Variants in FYN observed in about 807,000 individuals in gnomAD.
FYN encodes FYN proto-oncogene, Src family tyrosine kinase.
In FYN, 10 loss-of-function variants were observed where a neutral mutation model predicts 70.2. The ratio of observed to expected loss-of-function variants is 0.14; its 90% CI spans 0.09 to 0.24. The LOEUF is 0.24. FYN is among the 10% of genes least tolerant of loss of function. The pLI is 1.00. For synonymous variants in FYN, 236 were observed against 248.6 expected, an observed-to-expected ratio of 0.95 and a Z score of 0.48; for missense variants, 319 against 673.1, an observed-to-expected ratio of 0.47 and a Z score of 5.82.
At chr6:111,787,192 G>C (rs1452913397) in intron 2 of FYN, among the ~76,000 whole-genome samples, 1 of 152,116 alleles carries the variant, frequency 6.6e-6, no homozygotes, top group Non-Finnish European at 1.5e-5. Flanking sequence ...GGTTTTTATG[G>C]TTTTAGATCT....
intron 2 of FYN, among the ~76,000 whole-genome samples, chr6:111,801,526 T>C (rs1771984308): frequency 6.6e-6 from 1 of 152,224 alleles, no homozygotes; most frequent in Non-Finnish European, 1.5e-5. Flanking sequence ...GGTTGGATAA[T>C]GCTGGAATAC....
intron 3 of FYN, among the ~76,000 whole-genome samples, chr6:111,738,357 C>T (rs1056280141): frequency 6.6e-6 from 1 of 152,166 alleles, no homozygotes; most frequent in Non-Finnish European, 1.5e-5. Flanking sequence ...GGTGATGTTA[C>T]CTCCTCCCCT....
At chr6:111,679,967 G>A (rs545218265) in intron 12 of FYN, among the ~76,000 whole-genome samples, 3 of 152,232 alleles carry the variant, frequency 2.0e-5, no homozygotes, top group African/African-American at 4.8e-5. Context: ...GAAACAAAGT[G>A]GAAAATCCTT....
At chr6:111,790,836 C>A (rs1204677781) in intron 2 of FYN, among the ~76,000 whole-genome samples, 1 of 152,026 alleles carries the variant, frequency 6.6e-6, no homozygotes, top group South Asian at 2.1e-4. Flanking sequence ...ATACCTAATA[C>A]CTAGGAATAA....
At chr6:111,813,250 T>G (rs149392680) in intron 2 of FYN, among the ~76,000 whole-genome samples, 2 of 152,286 alleles carry the variant, frequency 1.3e-5, no homozygotes, top group East Asian at 3.9e-4. Context: ...TTCAAAGAAC[T>G]TCCCCATCCA....
chr6:111,723,915 C>T (rs1212337395), intron 3 of FYN, among the ~76,000 whole-genome samples: 1 of 152,058 alleles, frequency 6.6e-6, no homozygotes, highest in Non-Finnish European at 1.5e-5. Flanking sequence ...AGGAAAATAC[C>T]ACATGCCATG....
At chr6:111,778,075 C>G (rs1286184556) in intron 3 of FYN, among the ~76,000 whole-genome samples, 1 of 152,246 alleles carries the variant, frequency 6.6e-6, no homozygotes, top group Non-Finnish European at 1.5e-5. Context: ...AATGCACCCT[C>G]TGTGCTCCTC....
chr6:111,812,026 T>A (rs1772340382), intron 2 of FYN, among the ~76,000 whole-genome samples: 2 of 152,106 alleles, frequency 1.3e-5, no homozygotes. Flanking sequence ...CAGTTTAAAG[T>A]GTAGACAGTG....
intron 12 of FYN, among the ~76,000 whole-genome samples, chr6:111,692,752 A>G (rs1174915660): frequency 6.6e-6 from 1 of 152,176 alleles, no homozygotes; most frequent in Non-Finnish European, 1.5e-5. Flanking sequence ...TCTCCTTCTG[A>G]GTCTGAGGAG....
rs915209270 is a variant in FYN at position 111,696,311 on chromosome 6, C to T, written c.1008G>A (p.Glu336=). Residue 336 remains glutamate (E), a synonymous_variant, in exon 10 of 14, where the codon GAG becomes GAA. Transcript: ENST00000354650. ...TATACTCGGTGACGATGTAGATGGG[C>T]TCCTCAGACACCACTGCATAGAGCT... The part of the protein sequence containing the change: ...LVQLYAVVSE[E]PIYIVTEYMN... The T allele has an allele frequency of 1.2e-6, 2 of 1,611,690 alleles. No homozygotes were observed. Among genetic ancestry groups the T allele is most frequent in the South Asian group, 2.2e-5 (2 of 90,352 alleles).
At position 111,687,904 on chromosome 6, in the gene FYN, A is replaced by G. The variant is rs1488653217; in HGVS notation, c.1273+6471T>C. Among the ~76,000 whole-genome samples the G allele has an allele frequency of 2.6e-5, 4 of 152,202 alleles. No homozygotes were observed. The East Asian group carries it at 7.7e-4, about 29-fold the overall frequency. The stretch of plus-strand genomic sequence containing the variant: ...CTCACAGTGAATTGGCAGCAATGCT[A>G]GGATTTATACCAAGACACTTTGATC... On this transcript the variant is annotated intron_variant, in intron 12 of 13. Coordinates refer to ENST00000354650, the MANE Select transcript of FYN (RefSeq NM_002037.5).
At chr6:111,747,725 A>G (rs1045181883) in intron 3 of FYN, among the ~76,000 whole-genome samples, 1 of 152,244 alleles carries the variant, frequency 6.6e-6, no homozygotes, top group Non-Finnish European at 1.5e-5. Context: ...AATTCCAAGA[A>G]TAATGCAGAT....
intron 2 of FYN, among the ~76,000 whole-genome samples, chr6:111,802,552 C>T (rs1245039171): frequency 6.6e-6 from 1 of 152,124 alleles, no homozygotes; most frequent in Non-Finnish European, 1.5e-5. Flanking sequence ...CCTGCTTCAG[C>T]CTCCCGATAG....
At chr6:111,727,973 C>T (rs897110185) in intron 3 of FYN, among the ~76,000 whole-genome samples, 19 of 152,010 alleles carry the variant, frequency 1.2e-4, no homozygotes, top group South Asian at 2.1e-4. Flanking sequence ...GACTCAAAAG[C>T]GCTCAATAAA....
chr6:111,691,290 C>G (rs753918431), intron 12 of FYN, among the ~76,000 whole-genome samples: 2 of 152,192 alleles, frequency 1.3e-5, no homozygotes, highest in Non-Finnish European at 2.9e-5. Flanking sequence ...GCCACCTCAT[C>G]TGCCCAAGGG....
intron 2 of FYN, among the ~76,000 whole-genome samples, chr6:111,809,906 G>A (rs967383792): frequency 2.0e-5 from 3 of 152,142 alleles, no homozygotes; most frequent in African/African-American, 4.8e-5. Flanking sequence ...AATGACTAAA[G>A]TGTGGAAACA....
At chr6:111,806,472 C>T (rs1430910587) in intron 2 of FYN, among the ~76,000 whole-genome samples, 3 of 152,198 alleles carry the variant, frequency 2.0e-5, no homozygotes, top group Admixed American at 2.0e-4. Flanking sequence ...CACCTTCATG[C>T]CCACAACCCA....
In FYN at chr6:111,708,130, T is replaced by C. The variant is rs146522111; in HGVS notation, c.345-110A>G. 90 of 773,186 alleles carry C rather than the reference T, an allele frequency of 1.2e-4. No individual in the cohort carries two copies. In the African/African-American group the frequency reaches 1.3e-3, roughly 11 times the overall value. The allele number at this position is 773,186 out of a possible 1,614,324, so 47.9% of individuals were successfully genotyped here. A position where few individuals can be genotyped will look rare whatever the true frequency, so the allele number is the denominator to read the frequency against. ...GTCACCTAATCATCCTGCCACCCGA[T>C]TTCTCCAACCTATTCCTTTACTCTG... On this transcript the variant is annotated intron_variant, in intron 5 of 13. Coordinates refer to ENST00000354650, the MANE Select transcript of FYN (RefSeq NM_002037.5).
chr6:111,866,345 GTTTTC>G lies in FYN; in HGVS notation c.-123+6618_-123+6622del, dbSNP rs538085050. Among the ~76,000 whole-genome samples the G allele has an allele frequency of 9.6e-4, 146 of 152,134 alleles. No homozygotes were observed. The Middle Eastern group carries it at 0.01, about 11-fold the overall frequency. On this transcript the variant is annotated intron_variant, in intron 1 of 13. Coordinates refer to ENST00000354650, the MANE Select transcript of FYN (RefSeq NM_002037.5). Reference sequence around the variant, plus strand: ...TACCCCAACCTCATGCTTTTGTTTTGTTTTCTTTTGTTTTGAGACAGAGCCTCACT... The same window carrying G: ...TACCCCAACCTCATGCTTTTGTTTTGTTTTGTTTTGAGACAGAGCCTCACT...
Sources: allele counts gnomAD v4.1 joint callset (sites outside exome capture counted in the v4.1 genomes callset), GRCh38; gene constraint gnomAD v4.1.1; transcripts MANE v1.5; gene names NCBI Gene and HGNC (gene_info 2026-07-23, HGNC 2026-07-21).